The following PAPPA variants were observed in gnomAD, a reference collection of about 807,000 sequenced individuals.
PAPPA encodes the protein pappalysin 1, also known as pappalysin-1.
PAPPA carries 60 observed loss-of-function variants against 164.0 expected under a neutral mutation model. The observed-to-expected ratio is 0.37, with a 90% CI of 0.30 to 0.45. The LOEUF is 0.45. Among genes scored for constraint, PAPPA ranks in the 20% least tolerant of loss-of-function variants. The probability of loss-of-function intolerance (pLI) is 1.00; values close to 1 mark genes in which losing one functional copy is unlikely to be tolerated. For synonymous variants in PAPPA, 875 were observed against 814.1 expected (o/e 1.07, Z -1.27); for missense variants, 1,782 against 2,087.3 (o/e 0.85, Z 2.85).
chr9:116,188,459 T>C (rs1023017748), intron 2 of PAPPA, among the ~76,000 whole-genome samples: 1 of 152,150 alleles, frequency 6.6e-6, no homozygotes, highest in Non-Finnish European at 1.5e-5. Flanking sequence ...AGCCCTGTTT[T>C]CTCAAAGAGC....
At chr9:116,313,812 T>C (rs1420952900) in intron 10 of PAPPA, among the ~76,000 whole-genome samples, 1 of 152,226 alleles carries the variant, frequency 6.6e-6, no homozygotes, top group Admixed American at 6.5e-5. Flanking sequence ...AGCCTATTTG[T>C]GGGCATTGGG....
chr9:116,236,361 G>A (rs1305570370), intron 7 of PAPPA, among the ~76,000 whole-genome samples: 1 of 151,974 alleles, frequency 6.6e-6, no homozygotes, highest in Non-Finnish European at 1.5e-5. Flanking sequence ...GAGGCAGGCG[G>A]GTCACCTGAG....
chr9:116,323,803 G>A (rs1326363409), intron 10 of PAPPA, among the ~76,000 whole-genome samples: 2 of 152,210 alleles, frequency 1.3e-5, no homozygotes, highest in Non-Finnish European at 2.9e-5. Context: ...CACCTGAGAA[G>A]CTGGAAATCA....
At chr9:116,231,690 GAT>G (rs1380025816) in intron 6 of PAPPA, among the ~76,000 whole-genome samples, 4 of 150,998 alleles carry the variant, frequency 2.6e-5, no homozygotes, top group African/African-American at 7.3e-5. Flanking sequence ...TGGATGGATG[GAT>G]GGATGGATGG....
intron 9 of PAPPA, among the ~76,000 whole-genome samples, chr9:116,279,935 A>G (rs1005862289): frequency 3.9e-5 from 6 of 152,222 alleles, no homozygotes; most frequent in African/African-American, 1.4e-4. Flanking sequence ...AAATTGAAAT[A>G]TTAAGCAAGT....
At chr9:116,233,060 C>A (rs1240321939) in intron 6 of PAPPA, among the ~76,000 whole-genome samples, 1 of 152,192 alleles carries the variant, frequency 6.6e-6, no homozygotes, top group African/African-American at 2.4e-5. Flanking sequence ...TGGCACCCAC[C>A]ATCAGGAAGC....
intron 7 of PAPPA, among the ~76,000 whole-genome samples, chr9:116,236,551 A>T (rs1346395549): frequency 6.8e-6 from 1 of 146,048 alleles, no homozygotes; most frequent in Non-Finnish European, 1.5e-5. Context: ...ATGCCATTGC[A>T]CTCCAGCCTC....
chr9:116,349,150 C>T (rs1056595498), intron 15 of PAPPA, among the ~76,000 whole-genome samples: 7 of 151,228 alleles, frequency 4.6e-5, no homozygotes, highest in East Asian at 2.0e-4. Context: ...GCAATCCCCC[C>T]GTACCAGCCC....
intron 17 of PAPPA, among the ~76,000 whole-genome samples, chr9:116,359,680 G>C (rs1458643613): frequency 2.6e-5 from 4 of 152,318 alleles, no homozygotes; most frequent in Non-Finnish European, 5.9e-5. Flanking sequence ...AATCCAAAGA[G>C]GCTCCAGAAA....
At chr9:116,382,928 A>C in intron 21 of PAPPA, among the ~76,000 whole-genome samples, 1 of 152,146 alleles carries the variant, frequency 6.6e-6, no homozygotes. Context: ...CAGTGAGAAC[A>C]CACATTTTTA....
At chr9:116,297,880 T>C (rs1168222503) in intron 9 of PAPPA, among the ~76,000 whole-genome samples, 4 of 152,232 alleles carry the variant, frequency 2.6e-5, no homozygotes, top group Non-Finnish European at 5.9e-5. Flanking sequence ...TTATGCTATT[T>C]GATCATCCTC....
chr9:116,383,702 G>A (rs1237022423), intron 21 of PAPPA, among the ~76,000 whole-genome samples: 3 of 152,176 alleles, frequency 2.0e-5, no homozygotes, highest in Non-Finnish European at 4.4e-5. Flanking sequence ...TGAATCTTTT[G>A]GTTGAGGAAT....
chr9:116,343,969 T>C (rs1336662415), intron 13 of PAPPA, among the ~76,000 whole-genome samples: 1 of 151,962 alleles, frequency 6.6e-6, no homozygotes, highest in Non-Finnish European at 1.5e-5. Context: ...GGTTTTACCA[T>C]GTTGGTCAGC....
chr9:116,175,385 C>T (rs1843822308), intron 1 of PAPPA, among the ~76,000 whole-genome samples: 1 of 152,120 alleles, frequency 6.6e-6, no homozygotes, highest in South Asian at 2.1e-4. Context: ...TTTAAGTGTT[C>T]TCACCACAAA....
At chr9:116,275,850 C>T (rs1845190879) in intron 9 of PAPPA, among the ~76,000 whole-genome samples, 1 of 152,124 alleles carries the variant, frequency 6.6e-6, no homozygotes, top group Non-Finnish European at 1.5e-5. Flanking sequence ...CAGAAGCCCA[C>T]ACATCCGGAA....
At position 116,353,833 on chromosome 9, in the gene PAPPA, T is replaced by C. The variant is rs150943394; in HGVS notation, c.4347+40T>C. The C allele has an allele frequency of 2.2e-5, 34 of 1,525,870 alleles. No individual in the cohort carries two copies. The Middle Eastern group carries it at 8.6e-4, about 39-fold the overall frequency. The allele number at this position is 1,525,870 out of a possible 1,614,324, so 94.5% of individuals were successfully genotyped here. ...ACTTGAGATTGATACCATGGTCCCT[T>C]TCCTTTCTGCTTACCAAAAACTAGC... On this transcript the variant is annotated intron_variant, in intron 17 of 21. Coordinates refer to ENST00000328252, the MANE Select transcript of PAPPA (RefSeq NM_002581.5).
intron 10 of PAPPA, among the ~76,000 whole-genome samples, chr9:116,313,435 G>T (rs1378157980): frequency 2.6e-5 from 4 of 152,212 alleles, no homozygotes; most frequent in Non-Finnish European, 5.9e-5. Flanking sequence ...TGGTCTACTG[G>T]CAAGATACTG....
intron 9 of PAPPA, among the ~76,000 whole-genome samples, chr9:116,279,252 G>T (rs1845238674): frequency 6.6e-6 from 1 of 152,150 alleles, no homozygotes; most frequent in Non-Finnish European, 1.5e-5. Flanking sequence ...GGTCAAAGGG[G>T]GTCACTGAGG....
At chr9:116,280,768 TAGAC>T (rs1223633017) in intron 9 of PAPPA, among the ~76,000 whole-genome samples, 6 of 152,248 alleles carry the variant, frequency 3.9e-5, no homozygotes, top group African/African-American at 1.4e-4. Context: ...CCTGTTTTCA[TAGAC>T]AAAGTTTTAC....
Sources: allele counts gnomAD v4.1 joint callset (sites outside exome capture counted in the v4.1 genomes callset), GRCh38; gene constraint gnomAD v4.1.1; transcripts MANE v1.5; gene names NCBI Gene and HGNC (gene_info 2026-07-23, HGNC 2026-07-21).